ATP10A: variants seen among roughly 807,000 people sequenced by gnomAD.
The protein encoded by ATP10A is ATPase phospholipid transporting 10A (putative).
A neutral mutation model predicts 147.8 loss-of-function variants in ATP10A; 111 were observed. The observed-to-expected ratio is 0.75, with a 90% CI of 0.64 to 0.88. The LOEUF (loss-of-function observed/expected upper bound fraction) is 0.88, where lower values mean the gene tolerates loss of function less well. Ranked by LOEUF, ATP10A falls within the 40% of genes least tolerant of loss-of-function variation. ATP10A has a pLI of 0.00. For missense variants in ATP10A, 1,927 were observed against 1,959.0 expected (o/e 0.98, Z 0.31); for synonymous variants, 875 against 841.6 (o/e 1.04, Z -0.69).
chr15:25,749,279 T>C (rs1888023152), intron 2 of ATP10A, among the ~76,000 whole-genome samples: 1 of 152,106 alleles, frequency 6.6e-6, no homozygotes, highest in African/African-American at 2.4e-5. Flanking sequence ...AAAAAATGTA[T>C]AAGATCTCAA....
chr15:25,681,085 A>G lies in ATP10A; in HGVS notation c.3493-11T>C, dbSNP rs371481164. ...TCGTGGCCGGTATTCCTGGGACACAAAAACAATCAGTGATGTTACAGTGAA... is the reference window on the plus strand; with the variant it reads ...TCGTGGCCGGTATTCCTGGGACACAGAAACAATCAGTGATGTTACAGTGAA... On this transcript the variant is annotated splice_polypyrimidine_tract_variant and intron_variant, in intron 17 of 20. Transcript: ENST00000555815. The G allele has an allele frequency of 5.0e-6, 8 of 1,610,952 alleles. No individual in the cohort carries two copies. The African/African-American group carries it at 9.4e-5, about 19-fold the overall frequency.
chr15:25,682,605 C>G (rs1369926385), intron 17 of ATP10A, among the ~76,000 whole-genome samples: 1 of 152,228 alleles, frequency 6.6e-6, no homozygotes, highest in Non-Finnish European at 1.5e-5. Flanking sequence ...CAACAGATAA[C>G]AAGCAGAGGC....
intron 12 of ATP10A, among the ~76,000 whole-genome samples, chr15:25,702,493 T>C (rs1159157736): frequency 6.6e-6 from 1 of 152,104 alleles, no homozygotes; most frequent in Admixed American, 6.6e-5. Context: ...GGGATAAAAA[T>C]ATAGTCTTAA....
chr15:25,843,873 C>T (rs1892912952), intron 1 of ATP10A, among the ~76,000 whole-genome samples: 1 of 152,158 alleles, frequency 6.6e-6, no homozygotes, highest in Admixed American at 6.5e-5. Context: ...AGAACACGGA[C>T]CAGGCACTGG....
chr15:25,711,029 G>A (rs1463541164), intron 10 of ATP10A, among the ~76,000 whole-genome samples: 1 of 152,178 alleles, frequency 6.6e-6, no homozygotes, highest in Non-Finnish European at 1.5e-5. Flanking sequence ...GGCACAGAGT[G>A]AGTGACTCGT....
rs1567292378 is a variant in ATP10A, at chr15:25,678,890, C to T, written c.*451G>A. On this transcript the variant is annotated 3_prime_UTR_variant, in exon 21 of 21. Coordinates refer to ENST00000555815, the MANE Select transcript of ATP10A (RefSeq NM_024490.4). ...TTTCCTTCATCTGGATGAAGTGGAG[C>T]CCAGCCCTCCTGTGTCAGTGAGACT... 1 of 152,364 alleles carries T rather than the reference C, an allele frequency of 6.6e-6. No homozygotes were observed. The highest frequency in any genetic ancestry group is 2.1e-4 in the South Asian group (1 of 4,828). The allele number at this position is 152,364 out of a possible 1,614,324, so 9.4% of individuals were successfully genotyped here.
intron 2 of ATP10A, among the ~76,000 whole-genome samples, chr15:25,775,872 C>A (rs748732291): frequency 6.6e-6 from 1 of 152,254 alleles, no homozygotes; most frequent in Non-Finnish European, 1.5e-5. Context: ...GCCCTGTCCC[C>A]GCCTCACCCC....
At chr15:25,827,578 C>T (rs563018186) in intron 1 of ATP10A, among the ~76,000 whole-genome samples, 2 of 152,222 alleles carry the variant, frequency 1.3e-5, no homozygotes, top group South Asian at 4.1e-4. Flanking sequence ...ATTAATCTGA[C>T]CTACATTGCT....
At chr15:25,801,241 C>T (rs1042148228) in intron 1 of ATP10A, among the ~76,000 whole-genome samples, 2 of 152,126 alleles carry the variant, frequency 1.3e-5, no homozygotes, top group African/African-American at 4.8e-5. Flanking sequence ...CCAGGGAGAG[C>T]TGATGCAGGT....
chr15:25,721,879 T>G lies in ATP10A; in HGVS notation c.1141A>C (p.Ile381Leu). Reference protein sequence around the residue: ...VLIPISLYVSIEIVKACQVYF... With the variant: ...VLIPISLYVSLEIVKACQVYF... Reference sequence around the variant, plus strand: ...ACTTGGCATGCTTTAACAATTTCAATGGAAACGTATAAGGAAATTGGGATC... The same window carrying G: ...ACTTGGCATGCTTTAACAATTTCAAGGGAAACGTATAAGGAAATTGGGATC... Residue 381 changes from isoleucine (I) to leucine (L), a missense_variant, in exon 7 of 21, where the codon ATT becomes CTT. Ile to Leu is a conservative substitution (Grantham distance 5). Transcript: ENST00000555815. 1 of 1,613,824 alleles carries G rather than the reference T, an allele frequency of 6.2e-7. No individual in the cohort carries two copies. The highest frequency in any genetic ancestry group is 8.5e-7 in the Non-Finnish European group (1 of 1,179,806).
chr15:25,726,100 G>A lies in ATP10A; in HGVS notation c.848-18C>T. 1 of 1,611,466 alleles carries A rather than the reference G, an allele frequency of 6.2e-7. No individual in the cohort carries two copies. Among genetic ancestry groups the A allele is most frequent in the Non-Finnish European group, 8.5e-7 (1 of 1,178,198 alleles). ...TTCATGTCCTGTCGGGGAGGACAAA[G>A]AGACATGGCAAGTCAGAGACTGGAG... is the stretch of plus-strand genomic sequence containing the variant. On this transcript the variant is annotated intron_variant, in intron 4 of 20. Coordinates refer to ENST00000555815, the MANE Select transcript of ATP10A (RefSeq NM_024490.4).
intron 1 of ATP10A, among the ~76,000 whole-genome samples, chr15:25,817,335 A>C (rs554065772): frequency 6.6e-6 from 1 of 152,240 alleles, no homozygotes; most frequent in South Asian, 2.1e-4. Flanking sequence ...CTCCCACCTC[A>C]GCCTCCCAAA....
intron 2 of ATP10A, among the ~76,000 whole-genome samples, chr15:25,752,525 T>C (rs1404211644): frequency 6.6e-6 from 1 of 151,950 alleles, no homozygotes; most frequent in East Asian, 1.9e-4. Flanking sequence ...GGTCAAAGGG[T>C]ACAACATCTC....
chr15:25,754,044 C>G (rs1356024340), intron 2 of ATP10A, among the ~76,000 whole-genome samples: 1 of 152,196 alleles, frequency 6.6e-6, no homozygotes, highest in Non-Finnish European at 1.5e-5. Context: ...AAGCAATCCT[C>G]CTGCATCGGC....
intron 9 of ATP10A, among the ~76,000 whole-genome samples, chr15:25,715,243 G>T (rs1901725904): frequency 6.6e-6 from 1 of 152,222 alleles, no homozygotes. Flanking sequence ...CTTTGGTCTT[G>T]TTATGACTTT....
chr15:25,813,824 A>G (rs1440304391), intron 1 of ATP10A, among the ~76,000 whole-genome samples: 1 of 151,434 alleles, frequency 6.6e-6, no homozygotes, highest in Non-Finnish European at 1.5e-5. Context: ...AGACAAACCA[A>G]TAGAAGCTAT....
intron 1 of ATP10A, among the ~76,000 whole-genome samples, chr15:25,782,369 A>G (rs1889966572): frequency 6.6e-6 from 1 of 152,256 alleles, no homozygotes; most frequent in African/African-American, 2.4e-5. Flanking sequence ...AAGTATCACT[A>G]ATGTCACTGA....
rs1272430142 is a variant in ATP10A at position 25,726,009 on chromosome 15, G to A, written c.921C>T (p.Asn307=). Residue 307 remains asparagine, a synonymous_variant, in exon 5 of 21, where the codon AAC becomes AAT. Coordinates refer to ENST00000555815, the MANE Select transcript of ATP10A (RefSeq NM_024490.4). ...YKRSKLERQM[N]CDVLWCVLLL... is the part of the protein sequence containing the mutation. Reference sequence around the variant, plus strand: ...GCAGGACACACCAGAGCACGTCGCAGTTCATCTGCCTCTCCAGCTTGCTGC... The same window carrying A: ...GCAGGACACACCAGAGCACGTCGCAATTCATCTGCCTCTCCAGCTTGCTGC... 6.2e-7 allele frequency: 1 copy of A among 1,614,146 alleles called. No individual in the cohort carries two copies. The highest frequency in any genetic ancestry group is 8.5e-7 in the Non-Finnish European group (1 of 1,180,014).
intron 1 of ATP10A, among the ~76,000 whole-genome samples, chr15:25,854,143 A>T (rs962775850): frequency 1.3e-5 from 2 of 152,216 alleles, no homozygotes; most frequent in African/African-American, 4.8e-5. Context: ...GGGCCAGCCA[A>T]AATAGATGAG....
Sources: allele counts gnomAD v4.1 joint callset (sites outside exome capture counted in the v4.1 genomes callset), GRCh38; gene constraint gnomAD v4.1.1; transcripts MANE v1.5; gene names NCBI Gene and HGNC (gene_info 2026-07-23, HGNC 2026-07-21).